The following PTPRK variants were observed in gnomAD, a reference collection of about 807,000 sequenced individuals.
PTPRK encodes receptor-type tyrosine-protein phosphatase kappa.
A neutral mutation model predicts 178.0 loss-of-function variants in PTPRK; 75 were observed. The ratio of observed to expected loss-of-function variants is 0.42; its 90% CI spans 0.35 to 0.51. The LOEUF is 0.51. PTPRK is among the 20% of genes least tolerant of loss of function. The probability of loss-of-function intolerance (pLI) is 0.02; values close to 1 mark genes in which losing one functional copy is unlikely to be tolerated. For synonymous variants in PTPRK, 637 were observed against 620.6 expected (o/e 1.03, Z -0.39); for missense variants, 1,441 against 1,797.8 (o/e 0.80, Z 3.59).
intron 3 of PTPRK, among the ~76,000 whole-genome samples, chr6:128,257,056 C>T (rs1287618306): frequency 6.6e-6 from 1 of 151,626 alleles, no homozygotes; most frequent in Non-Finnish European, 1.5e-5. Flanking sequence ...CAAGGAGAAA[C>T]CCCGTCTCTA....
intron 13 of PTPRK, among the ~76,000 whole-genome samples, chr6:128,048,963 C>T (rs58747994): frequency 0.11 from 17,110 of 152,092 alleles, 2,471 homozygotes; most frequent in African/African-American, 0.34. Flanking sequence ...GCCTACAACA[C>T]TGTCTGGTAT....
At chr6:128,093,594 C>T (rs1277126162) in intron 7 of PTPRK, among the ~76,000 whole-genome samples, 4 of 26,714 alleles carry the variant, frequency 1.5e-4, no homozygotes, top group African/African-American at 8.2e-4. Flanking sequence ...GAGACTCTCT[C>T]TCAAAAAAAA....
At chr6:128,392,797 T>TAAC (rs1277939884) in intron 2 of PTPRK, among the ~76,000 whole-genome samples, 1 of 152,090 alleles carries the variant, frequency 6.6e-6, no homozygotes, top group Non-Finnish European at 1.5e-5. Context: ...TTGATAGAAT[T>TAAC]AACAACATTT....
intron 5 of PTPRK, among the ~76,000 whole-genome samples, chr6:128,226,896 A>G (rs1407695288): frequency 6.6e-6 from 1 of 150,812 alleles, no homozygotes; most frequent in African/African-American, 2.4e-5. Context: ...CTTCTAGAGA[A>G]TCAGATTTTT....
intron 2 of PTPRK, among the ~76,000 whole-genome samples, chr6:128,337,717 CA>C (rs1831133387): frequency 6.6e-6 from 1 of 152,230 alleles, no homozygotes; most frequent in Admixed American, 6.5e-5. Flanking sequence ...AAAGCAACAA[CA>C]AAATGTGTGC....
At chr6:128,379,496 G>A (rs1837569782) in intron 2 of PTPRK, among the ~76,000 whole-genome samples, 1 of 152,056 alleles carries the variant, frequency 6.6e-6, no homozygotes, top group Admixed American at 6.6e-5. Context: ...CTACTTTCTG[G>A]GAAAAGAAGG....
chr6:128,469,446 C>A (rs183039937), intron 1 of PTPRK, among the ~76,000 whole-genome samples: 9 of 152,222 alleles, frequency 5.9e-5, no homozygotes, highest in Non-Finnish European at 2.9e-5. Flanking sequence ...TTTACTAACA[C>A]CCTGGAGTAG....
chr6:128,295,904 T>C (rs1053866054), intron 3 of PTPRK, among the ~76,000 whole-genome samples: 10 of 152,152 alleles, frequency 6.6e-5, no homozygotes, highest in African/African-American at 2.4e-4. Flanking sequence ...TATAGCTTAC[T>C]GTTGAAAAGG....
chr6:128,061,878 C>G (rs1225297445), intron 13 of PTPRK, among the ~76,000 whole-genome samples: 2 of 152,114 alleles, frequency 1.3e-5, no homozygotes, highest in African/African-American at 4.8e-5. Flanking sequence ...CTTTACCTAT[C>G]TACCTATATA....
intron 6 of PTPRK, among the ~76,000 whole-genome samples, chr6:128,212,525 C>T (rs1808393726): frequency 6.6e-6 from 1 of 152,004 alleles, no homozygotes; most frequent in Non-Finnish European, 1.5e-5. Context: ...TTACATTTAT[C>T]ACAAACTCCA....
intron 2 of PTPRK, among the ~76,000 whole-genome samples, chr6:128,371,692 TA>T (rs1836311343): frequency 1.3e-5 from 2 of 152,108 alleles, no homozygotes; most frequent in Non-Finnish European, 1.5e-5. Flanking sequence ...GAAAAACAAA[TA>T]AATGCAATAA....
At position 127,985,758 on chromosome 6, in the gene PTPRK, T is replaced by A; in HGVS notation, c.3214A>T (p.Asn1072Tyr). 1 of 1,613,972 alleles carries A rather than the reference T, an allele frequency of 6.2e-7. No homozygotes were observed. Among genetic ancestry groups the A allele is most frequent in the South Asian group, 1.1e-5 (1 of 91,066 alleles). Residue 1072 changes from asparagine (N) to tyrosine (Y), a missense_variant, in exon 22 of 30, where the codon AAC becomes TAC. Coordinates refer to ENST00000368226, the MANE Select transcript of PTPRK (RefSeq NM_002844.4). ...ACGATGGGGCCAGCACTGGGAGGGTTTGATAACTTGACTCGCCGGATAAAG... is the reference window on the plus strand; with the variant it reads ...ACGATGGGGCCAGCACTGGGAGGGTATGATAACTTGACTCGCCGGATAAAG... ...LSFIRRVKLS[N>Y]PPSAGPIVVH...
intron 3 of PTPRK, among the ~76,000 whole-genome samples, chr6:128,318,518 G>A (rs182009444): frequency 6.6e-6 from 1 of 152,208 alleles, no homozygotes; most frequent in East Asian, 1.9e-4. Context: ...GGCACTTTCT[G>A]CTATACTATC....
chr6:128,158,589 G>C (rs1436572498), intron 7 of PTPRK, among the ~76,000 whole-genome samples: 1 of 151,756 alleles, frequency 6.6e-6, no homozygotes, highest in Non-Finnish European at 1.5e-5. Flanking sequence ...ACAATACACA[G>C]ACACTTCAAA....
intron 1 of PTPRK, among the ~76,000 whole-genome samples, chr6:128,404,289 G>C (rs1370191791): frequency 6.6e-6 from 1 of 152,180 alleles, no homozygotes; most frequent in African/African-American, 2.4e-5. Flanking sequence ...GACTAGAAAA[G>C]GTGAGAACTA....
intron 2 of PTPRK, among the ~76,000 whole-genome samples, chr6:128,331,681 T>A (rs1297268632): frequency 6.6e-6 from 1 of 152,134 alleles, no homozygotes; most frequent in Non-Finnish European, 1.5e-5. Flanking sequence ...ATCCCCTACA[T>A]CATACAGTTT....
rs183180694 is a variant in PTPRK at position 128,486,867 on chromosome 6, G to A, written c.100+33392C>T. Among the ~76,000 whole-genome samples the A allele has an allele frequency of 1.1e-3, 168 of 151,114 alleles. 1 individual carries two copies. Among genetic ancestry groups the A allele is most frequent in the Non-Finnish European group, 1.9e-3 (132 of 67,752 alleles). On this transcript the variant is annotated intron_variant, in intron 1 of 29. Coordinates refer to ENST00000368226, the MANE Select transcript of PTPRK (RefSeq NM_002844.4). ...AAGGAAAAAAATAAAAAGGGAGGGA[G>A]GGAGGATTTATGAATATGAACACAG...
chr6:128,212,838 T>C (rs973619885), intron 6 of PTPRK, among the ~76,000 whole-genome samples: 1 of 151,326 alleles, frequency 6.6e-6, no homozygotes, highest in African/African-American at 2.4e-5. Context: ...TGAAAGAAAA[T>C]AAATAAAATG....
chr6:128,462,517 G>C (rs1849191304), intron 1 of PTPRK, among the ~76,000 whole-genome samples: 1 of 152,032 alleles, frequency 6.6e-6, no homozygotes, highest in Non-Finnish European at 1.5e-5. Context: ...AATAGATCTA[G>C]AGAGTGGAGG....
Sources: gnomAD v4.1 joint callset for allele counts (sites outside exome capture counted in the v4.1 genomes callset) on GRCh38, gnomAD v4.1.1 for gene constraint, MANE v1.5 for transcripts, NCBI Gene and HGNC (gene_info 2026-07-23, HGNC 2026-07-21) for gene names.